Variants in DNAJC1 observed in about 807,000 individuals in gnomAD.
DNAJC1 encodes the protein dnaJ homolog subfamily C member 1.
A neutral mutation model predicts 76.6 loss-of-function variants in DNAJC1; 58 were observed. The observed-to-expected ratio is 0.76, with a 90% CI of 0.61 to 0.94. The LOEUF is 0.94. DNAJC1 is among the 40% of genes least tolerant of loss of function. The pLI is 0.00. For synonymous variants in DNAJC1, 258 were observed against 267.9 expected, an observed-to-expected ratio of 0.96 and a Z score of 0.36; for missense variants, 689 against 677.3, an observed-to-expected ratio of 1.02 and a Z score of -0.19.
intron 1 of DNAJC1, among the ~76,000 whole-genome samples, chr10:21,999,733 G>C (rs1343325875): frequency 6.6e-6 from 1 of 152,160 alleles, no homozygotes; most frequent in African/African-American, 2.4e-5. Context: ...GATTACAGGC[G>C]TGAGCCACCA....
intron 1 of DNAJC1, among the ~76,000 whole-genome samples, chr10:21,986,646 T>A (rs1210335084): frequency 1.3e-5 from 2 of 152,206 alleles, no homozygotes; most frequent in African/African-American, 4.8e-5. Context: ...TATTAATCAA[T>A]TTTTAGGTAC....
At chr10:21,819,670 C>A (rs1463637118) in intron 8 of DNAJC1, among the ~76,000 whole-genome samples, 1 of 152,094 alleles carries the variant, frequency 6.6e-6, no homozygotes, top group African/African-American at 2.4e-5. Flanking sequence ...TGGCTCACAC[C>A]TGTAATCCCA....
chr10:21,934,376 T>G (rs554794014), intron 1 of DNAJC1, among the ~76,000 whole-genome samples: 1 of 152,320 alleles, frequency 6.6e-6, no homozygotes, highest in African/African-American at 2.4e-5. Flanking sequence ...TAAGCTATGG[T>G]TAATTTATTG....
chr10:21,979,729 C>G (rs941110470), intron 1 of DNAJC1, among the ~76,000 whole-genome samples: 1 of 150,538 alleles, frequency 6.6e-6, no homozygotes, highest in Non-Finnish European at 1.5e-5. Context: ...TTTTTTTCAC[C>G]ATGGCTTTAC....
chr10:21,816,541 C>A, intron 8 of DNAJC1, among the ~76,000 whole-genome samples: 1 of 147,374 alleles, frequency 6.8e-6, no homozygotes, highest in African/African-American at 2.5e-5. Flanking sequence ...CACTGTCTCT[C>A]TCTCTTTTTT....
intron 8 of DNAJC1, among the ~76,000 whole-genome samples, chr10:21,843,433 G>C (rs1408311448): frequency 1.5e-5 from 2 of 134,458 alleles, no homozygotes; most frequent in South Asian, 2.3e-4. Flanking sequence ...TCACTCTGTC[G>C]CCCAGGCTGG....
intron 1 of DNAJC1, among the ~76,000 whole-genome samples, chr10:22,001,855 T>A (rs1251162845): frequency 2.0e-5 from 3 of 152,210 alleles, no homozygotes; most frequent in African/African-American, 7.2e-5. Context: ...GCTTCACTAA[T>A]TATTTTTACA....
intron 8 of DNAJC1, among the ~76,000 whole-genome samples, chr10:21,814,231 G>A (rs890564081): frequency 6.6e-5 from 10 of 152,146 alleles, no homozygotes; most frequent in African/African-American, 2.2e-4. Context: ...GGAAGTGGCT[G>A]CATGCTGAAT....
chr10:21,811,341 T>C (rs567105076), intron 8 of DNAJC1, among the ~76,000 whole-genome samples: 3 of 152,216 alleles, frequency 2.0e-5, no homozygotes, highest in East Asian at 1.9e-4. Flanking sequence ...CATTACAAAT[T>C]GTATTAAGCC....
chr10:21,799,132 T>C (rs370495283), intron 9 of DNAJC1, among the ~76,000 whole-genome samples: 1 of 152,234 alleles, frequency 6.6e-6, no homozygotes, highest in African/African-American at 2.4e-5. Flanking sequence ...AAAACCATCA[T>C]GTAAGATATT....
At chr10:21,968,888 C>T (rs1273849065) in intron 1 of DNAJC1, among the ~76,000 whole-genome samples, 3 of 151,684 alleles carry the variant, frequency 2.0e-5, no homozygotes, top group Non-Finnish European at 4.4e-5. Context: ...AGCTGTCATT[C>T]CCTGTTTGTG....
intron 10 of DNAJC1, among the ~76,000 whole-genome samples, chr10:21,761,250 C>T (rs1834236835): frequency 6.6e-6 from 1 of 152,136 alleles, no homozygotes; most frequent in South Asian, 2.1e-4. Context: ...TTATAGTAGG[C>T]TTTTATTTAA....
At chr10:21,787,670 C>T (rs1834629393) in intron 9 of DNAJC1, among the ~76,000 whole-genome samples, 1 of 152,202 alleles carries the variant, frequency 6.6e-6, no homozygotes, top group Non-Finnish European at 1.5e-5. Flanking sequence ...CACTCCATCC[C>T]CCAGCCAGGA....
intron 8 of DNAJC1, among the ~76,000 whole-genome samples, chr10:21,807,527 A>C (rs1369271788): frequency 1.3e-5 from 2 of 152,198 alleles, no homozygotes; most frequent in Non-Finnish European, 2.9e-5. Flanking sequence ...GGCTTTCCGA[A>C]AGGCTCTCCC....
chr10:21,989,608 G>GA (rs201976760), intron 1 of DNAJC1, among the ~76,000 whole-genome samples: 87 of 150,766 alleles, frequency 5.8e-4, no homozygotes, highest in Middle Eastern at 3.4e-3. Context: ...CGCCTGTGGG[G>GA]AAAAAAAAAT....
intron 8 of DNAJC1, among the ~76,000 whole-genome samples, chr10:21,868,118 T>C (rs953520174): frequency 3.1e-5 from 4 of 130,404 alleles, no homozygotes; most frequent in Non-Finnish European, 4.7e-5. Flanking sequence ...CTGGAAACAA[T>C]GAAAATATTC....
At chr10:21,936,708 T>TA (rs1299692554) in intron 1 of DNAJC1, among the ~76,000 whole-genome samples, 1 of 152,198 alleles carries the variant, frequency 6.6e-6, no homozygotes, top group Non-Finnish European at 1.5e-5. Flanking sequence ...AAACTGGTAT[T>TA]AATCCAAACT....
intron 8 of DNAJC1, among the ~76,000 whole-genome samples, chr10:21,808,056 A>G (rs1290817435): frequency 2.0e-5 from 3 of 152,190 alleles, no homozygotes; most frequent in Non-Finnish European, 4.4e-5. Flanking sequence ...AATTTAAATA[A>G]GCTTACAGTA....
At chr10:21,954,210 G>A (rs1837645274) in intron 1 of DNAJC1, among the ~76,000 whole-genome samples, 1 of 152,066 alleles carries the variant, frequency 6.6e-6, no homozygotes, top group Non-Finnish European at 1.5e-5. Flanking sequence ...TTTATAAAAA[G>A]AGGAAATAAA....
Sources: gnomAD v4.1 joint callset for allele counts (sites outside exome capture counted in the v4.1 genomes callset) on GRCh38, gnomAD v4.1.1 for gene constraint, MANE v1.5 for transcripts, NCBI Gene and HGNC (gene_info 2026-07-23, HGNC 2026-07-21) for gene names.